FYB2: variants seen among roughly 807,000 people sequenced by gnomAD.
The protein encoded by FYB2 is FYN-binding protein 2.
A neutral mutation model predicts 94.1 loss-of-function variants in FYB2; 103 were observed. That is an observed-to-expected ratio of 1.09 (90% CI 0.93 to 1.29). The LOEUF is 1.29. FYB2 is among the 50% of genes most tolerant of loss of function. The probability of loss-of-function intolerance (pLI) is 0.00; values close to 1 mark genes in which losing one functional copy is unlikely to be tolerated. For missense variants in FYB2, 896 were observed against 841.5 expected (o/e 1.06, Z -0.80); for synonymous variants, 293 against 287.9 (o/e 1.02, Z -0.18).
intron 15 of FYB2, among the ~76,000 whole-genome samples, chr1:56,732,558 C>A (rs148605694): frequency 7.9e-5 from 12 of 152,216 alleles, no homozygotes; most frequent in Non-Finnish European, 1.6e-4. Flanking sequence ...CTGTATAAAG[C>A]ACAGTACCAG....
intron 3 of FYB2, among the ~76,000 whole-genome samples, chr1:56,788,397 T>C (rs1016933990): frequency 2.0e-5 from 3 of 152,140 alleles, no homozygotes; most frequent in African/African-American, 7.2e-5. Flanking sequence ...CAAGATCAGA[T>C]TGTGGTGGGA....
intron 1 of FYB2, among the ~76,000 whole-genome samples, chr1:56,803,067 A>G (rs982511983): frequency 1.3e-5 from 2 of 152,118 alleles, no homozygotes; most frequent in African/African-American, 4.8e-5. Context: ...TTCAGCACCA[A>G]TTTAGGTCTA....
intron 2 of FYB2, 34 bp downstream of exon 2, chr1:56,792,022 C>A (rs1055873879): frequency 1.3e-6 from 2 of 1,532,802 alleles, no homozygotes; most frequent in South Asian, 2.7e-5. Flanking sequence ...TGACACCTCC[C>A]TAGCCCCTGT....
chr1:56,731,681 G>A (rs927409236), intron 15 of FYB2, among the ~76,000 whole-genome samples: 6 of 152,000 alleles, frequency 3.9e-5, no homozygotes, highest in Non-Finnish European at 8.8e-5. Context: ...ACAAAGTTGG[G>A]TCATTCAACA....
At chr1:56,727,412 G>A (rs1160255024) in intron 15 of FYB2, among the ~76,000 whole-genome samples, 1 of 151,904 alleles carries the variant, frequency 6.6e-6, no homozygotes, top group Non-Finnish European at 1.5e-5. Flanking sequence ...AGTATTATTT[G>A]TAAGGGCCCC....
intron 15 of FYB2, 70 bp from the exon 16 acceptor site, chr1:56,726,653 C>G (rs575431810): frequency 6.4e-6 from 8 of 1,243,188 alleles, no homozygotes; most frequent in African/African-American, 6.2e-5. Flanking sequence ...ATCAACACTT[C>G]ATGGGCAATT....
At chr1:56,808,115 T>C (rs752050892) in intron 1 of FYB2, among the ~76,000 whole-genome samples, 2 of 152,184 alleles carry the variant, frequency 1.3e-5, no homozygotes, top group African/African-American at 4.8e-5. Flanking sequence ...CACACTGGGT[T>C]AGGCCCTTTT....
At chr1:56,749,061 T>TG (rs1645134548) in intron 9 of FYB2, among the ~76,000 whole-genome samples, 1 of 151,802 alleles carries the variant, frequency 6.6e-6, no homozygotes, top group African/African-American at 2.4e-5. Context: ...TTGTGTTTTT[T>TG]TTTTTTGTGG....
chr1:56,794,898 C>T (rs1220648137), intron 1 of FYB2, among the ~76,000 whole-genome samples: 1 of 152,018 alleles, frequency 6.6e-6, no homozygotes, highest in Non-Finnish European at 1.5e-5. Context: ...ATATTTCTGA[C>T]AGCAGTTCAG....
chr1:56,775,089 G>A (rs1645845238), intron 4 of FYB2, among the ~76,000 whole-genome samples: 1 of 151,982 alleles, frequency 6.6e-6, no homozygotes, highest in African/African-American at 2.4e-5. Context: ...CCTATTGTGG[G>A]ACTTCACCTT....
Position 56,750,731 on chromosome 1 carries a change from T to C in FYB2, c.1387+313A>G, listed in dbSNP as rs149252613. ...CCTATCATATAATATACTGTCAGAT[T>C]TGGTCCTCATAAAAGCCCTGTGAGG... On this transcript the variant is annotated intron_variant, in intron 9 of 19. Coordinates refer to ENST00000343433, the MANE Select transcript of FYB2 (RefSeq NM_001004303.5). 9.0e-3 allele frequency among the ~76,000 whole-genome samples: 1,370 copies of C among 152,090 alleles called. 16 individuals are homozygous for C. Among genetic ancestry groups the C allele is most frequent in the Non-Finnish European group, 0.015 (1,011 of 67,944 alleles).
chr1:56,723,696 GC>G lies in FYB2; in HGVS notation c.1881-16del. ...TAGGAGAGAAACTAGCAAGAAATGT[GC>G]AGGTAGGGTAAAACGTACTATAATA... On this transcript the variant is annotated splice_polypyrimidine_tract_variant and intron_variant, in intron 16 of 19. Coordinates refer to ENST00000343433, the MANE Select transcript of FYB2 (RefSeq NM_001004303.5). The G allele has an allele frequency of 7.0e-7, 1 of 1,437,404 alleles. No individual in the cohort carries two copies. The highest frequency in any genetic ancestry group is 1.2e-5 in the South Asian group (1 of 84,082). 89.0% of individuals were successfully genotyped at this position (1,437,404 alleles called of 1,614,324 possible). A position where few individuals can be genotyped will look rare whatever the true frequency, so the allele number is the denominator to read the frequency against.
At chr1:56,796,177 C>A (rs1461046653) in intron 1 of FYB2, among the ~76,000 whole-genome samples, 1 of 152,172 alleles carries the variant, frequency 6.6e-6, no homozygotes, top group Non-Finnish European at 1.5e-5. Context: ...TTTGGGTGAT[C>A]TCCGAAGCCC....
rs752932085 is a variant in FYB2 at position 56,789,140 on chromosome 1, C to G, written c.758-6G>C. The G allele has an allele frequency of 1.9e-6, 3 of 1,552,988 alleles. No homozygotes were observed. Among genetic ancestry groups the G allele is most frequent in the South Asian group, 1.2e-5 (1 of 80,398 alleles). ...CCTGACATCTGGCTGTTTTTCTGAA[C>G]ACAAGACAGTAAAAAATGTAAGTTA... On this transcript the variant is annotated splice_polypyrimidine_tract_variant and splice_region_variant and intron_variant, in intron 2 of 19. Coordinates refer to ENST00000343433, the MANE Select transcript of FYB2 (RefSeq NM_001004303.5).
intron 4 of FYB2, among the ~76,000 whole-genome samples, chr1:56,771,866 T>C (rs1420759755): frequency 6.6e-6 from 1 of 152,120 alleles, no homozygotes; most frequent in Non-Finnish European, 1.5e-5. Context: ...CATAAGCACA[T>C]TCCACCCAAT....
At chr1:56,747,467 C>T (rs1645095107) in intron 9 of FYB2, among the ~76,000 whole-genome samples, 1 of 151,872 alleles carries the variant, frequency 6.6e-6, no homozygotes, top group East Asian at 1.9e-4. Flanking sequence ...ACATGCGTTC[C>T]TCATTGTTCA....
At chr1:56,745,484 T>C (rs1255309792) in intron 9 of FYB2, among the ~76,000 whole-genome samples, 2 of 151,962 alleles carry the variant, frequency 1.3e-5, no homozygotes, top group Admixed American at 6.6e-5. Flanking sequence ...ACATCCTCGA[T>C]TCATTTCTCT....
intron 16 of FYB2, among the ~76,000 whole-genome samples, chr1:56,724,964 C>A (rs1644556089): frequency 6.6e-6 from 1 of 151,942 alleles, no homozygotes; most frequent in South Asian, 2.1e-4. Context: ...ACCACTCTCA[C>A]AGTTTCCTAG....
At chr1:56,786,382 G>A (rs1646133149) in intron 4 of FYB2, among the ~76,000 whole-genome samples, 1 of 152,208 alleles carries the variant, frequency 6.6e-6, no homozygotes, top group African/African-American at 2.4e-5. Context: ...CCTTAGTGCA[G>A]CCTCTGAATC....
Sources: gnomAD v4.1 joint callset for allele counts (sites outside exome capture counted in the v4.1 genomes callset) on GRCh38, gnomAD v4.1.1 for gene constraint, MANE v1.5 for transcripts, NCBI Gene and HGNC (gene_info 2026-07-23, HGNC 2026-07-21) for gene names.